Variants in SLC9A8 observed in about 807,000 individuals in gnomAD.
SLC9A8 encodes solute carrier family 9 member A8, also known as sodium/hydrogen exchanger 8.
Under a neutral mutation model 66.6 loss-of-function variants are expected in SLC9A8, and 48 were observed. That is an observed-to-expected ratio of 0.72 (90% CI 0.57 to 0.92). SLC9A8 has a LOEUF of 0.92. Among genes scored for constraint, SLC9A8 ranks in the 40% least tolerant of loss-of-function variants. The probability of loss-of-function intolerance (pLI) is 0.00; values close to 1 mark genes in which losing one functional copy is unlikely to be tolerated. For synonymous variants in SLC9A8, 274 were observed against 282.6 expected (o/e 0.97, Z 0.31); for missense variants, 599 against 747.3 (o/e 0.80, Z 2.31).
intron 3 of SLC9A8, chr20:49,830,874 G>A: frequency 1.4e-6 from 2 of 1,381,100 alleles, no homozygotes; most frequent in Admixed American, 1.7e-5. Context: ...CATCTTCCTA[G>A]ACCAGAAGTG....
At chr20:49,846,334 G>C (rs1469374180) in intron 5 of SLC9A8, among the ~76,000 whole-genome samples, 1 of 152,016 alleles carries the variant, frequency 6.6e-6, no homozygotes, top group East Asian at 1.9e-4. Flanking sequence ...TAAAAAAACT[G>C]TGAAGATTGG....
At position 49,880,936 on chromosome 20, in the gene SLC9A8, T is replaced by G. The variant is rs144443273; in HGVS notation, c.1171T>G (p.Phe391Val). 3.8e-5 allele frequency: 62 copies of G among 1,612,210 alleles called. No individual in the cohort carries two copies. The highest frequency in any genetic ancestry group is 4.6e-5 in the Non-Finnish European group (54 of 1,178,360). ...TTGCTATCAACAGGTGCTTGTACTA[T>G]TTGGCAGAGCGGTAAACATTTTCCC... The part of the protein sequence containing the change: ...FVIWCIVLVL[F>V]GRAVNIFPLS... Residue 391 changes from phenylalanine to valine, a missense_variant, in exon 13 of 16, where the codon TTT becomes GTT. By Grantham distance (50) the Phe-to-Val change is conservative. Around this residue, in one of 2 missense-constraint regions of SLC9A8, gnomAD observed 467 missense variants for 626.5 expected, o/e 0.75. Transcript: ENST00000361573.
At chr20:49,835,177 G>A (rs1477381462) in intron 3 of SLC9A8, among the ~76,000 whole-genome samples, 2 of 130,106 alleles carry the variant, frequency 1.5e-5, no homozygotes, top group Non-Finnish European at 3.2e-5. Flanking sequence ...TCTGCCCTAG[G>A]GAGATAGTCT....
chr20:49,883,322 G>C (rs775147435), intron 13 of SLC9A8, among the ~76,000 whole-genome samples: 1 of 152,136 alleles, frequency 6.6e-6, no homozygotes, highest in African/African-American at 2.4e-5. Context: ...AGATAGGAGG[G>C]GTACTGGACA....
At chr20:49,857,813 G>C (rs1024078296) in intron 8 of SLC9A8, among the ~76,000 whole-genome samples, 1 of 132,192 alleles carries the variant, frequency 7.6e-6, no homozygotes, top group Non-Finnish European at 1.7e-5. Context: ...CCTAGTTGTT[G>C]TTTTCACCAC....
intron 8 of SLC9A8, among the ~76,000 whole-genome samples, chr20:49,860,001 A>T (rs1329555721): frequency 6.6e-6 from 1 of 152,158 alleles, no homozygotes; most frequent in Non-Finnish European, 1.5e-5. Flanking sequence ...GACCTTACCC[A>T]GTGACTCACT....
rs1400517280 is a variant in SLC9A8 at position 49,823,048 on chromosome 20, T to A, written c.209-13T>A. The A allele has an allele frequency of 3.1e-6, 5 of 1,605,046 alleles. No individual in the cohort carries two copies. The South Asian group carries it at 3.3e-5, about 11-fold the overall frequency. On this transcript the variant is annotated splice_polypyrimidine_tract_variant and intron_variant, in intron 2 of 15. Coordinates refer to ENST00000361573, the MANE Select transcript of SLC9A8 (RefSeq NM_015266.3). ...GTTTTTTTTAAAACATTGTATTATT[T>A]TTTTTTCCACAGCTATCTGCATCAT...
rs535574640 is a variant in SLC9A8 at position 49,878,086 on chromosome 20, T to G, written c.1158+23T>G. On this transcript the variant is annotated intron_variant, in intron 12 of 15. Coordinates refer to ENST00000361573, the MANE Select transcript of SLC9A8 (RefSeq NM_015266.3). ...ATAGTAAGTATTTTCCTTTTTTTTT[T>G]TAAATTTAATTACTTATTTGTAGAT... 7.2e-6 allele frequency: 10 copies of G among 1,392,340 alleles called. No individual in the cohort carries two copies. The Admixed American group carries it at 2.3e-4, about 32-fold the overall frequency. The allele number at this position is 1,392,340 out of a possible 1,614,324, so 86.2% of individuals were successfully genotyped here.
At position 49,886,746 on chromosome 20, in the gene SLC9A8, G is replaced by T; in HGVS notation, c.1492-6G>T. 6.2e-7 allele frequency: 1 copy of T among 1,612,664 alleles called. No individual in the cohort carries two copies. Among genetic ancestry groups the T allele is most frequent in the East Asian group, 2.2e-5 (1 of 44,840 alleles). ...GGCCGTCGGGCCGCCTTTCCTCCCT[G>T]CTCAGGGCAACACTGTGGAGTCGGA... On this transcript the variant is annotated splice_polypyrimidine_tract_variant and splice_region_variant and intron_variant, in intron 14 of 15. Coordinates refer to ENST00000361573, the MANE Select transcript of SLC9A8 (RefSeq NM_015266.3). The surrounding 1 kb of genome is among the most constrained non-coding windows in gnomAD (Gnocchi z 4.8).
Position 49,859,645 on chromosome 20 carries a change from A to G in SLC9A8, c.714-3284A>G, listed in dbSNP as rs577103772. On this transcript the variant is annotated intron_variant, in intron 8 of 15. Coordinates refer to ENST00000361573, the MANE Select transcript of SLC9A8 (RefSeq NM_015266.3). ...ATCTTTGCAACTGAATATGTAAATG[A>G]GTTACCCCCTTTTTGATGTTGTTAC... is the stretch of plus-strand genomic sequence containing the variant. Among the ~76,000 whole-genome samples, 10 of 152,306 alleles carry G rather than the reference A, an allele frequency of 6.6e-5. No homozygotes were observed. In the South Asian group the frequency reaches 2.1e-3, roughly 32 times the overall value.
At chr20:49,844,945 G>A in intron 4 of SLC9A8, 91 bp from the exon 5 acceptor site, 1 of 868,508 alleles carries the variant, frequency 1.2e-6, no homozygotes, top group Admixed American at 1.8e-5. Context: ...GCCAGGCCCT[G>A]AGAGAATAAT....
rs1193162229 is a variant in SLC9A8, at chr20:49,889,218, C to T, written c.*1282C>T. On this transcript the variant is annotated 3_prime_UTR_variant, in exon 16 of 16. Coordinates refer to ENST00000361573, the MANE Select transcript of SLC9A8 (RefSeq NM_015266.3). ...TCATCAAAGAGCCATTGCCAACTTC[C>T]GTATGTGGTTCTGGGTCCCAGGGAG... 6.6e-6 allele frequency: 1 copy of T among 152,258 alleles called. No homozygotes were observed. The highest frequency in any genetic ancestry group is 1.5e-5 in the Non-Finnish European group (1 of 68,066). The allele number at this position is 152,258 out of a possible 1,614,324, so 9.4% of individuals were successfully genotyped here.
chr20:49,868,946 C>T (rs560239927), intron 10 of SLC9A8, among the ~76,000 whole-genome samples: 1 of 152,338 alleles, frequency 6.6e-6, no homozygotes, highest in South Asian at 2.1e-4. Context: ...CTAATTATAA[C>T]TCAGCAAGCG....
rs1248294332 is a variant in SLC9A8, at chr20:49,891,846, A to G, written c.*3910A>G. 2.0e-5 allele frequency: 3 copies of G among 152,280 alleles called. No individual in the cohort carries two copies. The East Asian group carries it at 5.8e-4, about 29-fold the overall frequency. The allele number at this position is 152,280 out of a possible 1,614,324, so 9.4% of individuals were successfully genotyped here. On this transcript the variant is annotated 3_prime_UTR_variant, in exon 16 of 16. Coordinates refer to ENST00000361573, the MANE Select transcript of SLC9A8 (RefSeq NM_015266.3). ...ACGGTTTCTCCAAGTAAGGATCTGCAAATCTTGAATCGTCCTCAAAATGAC... is the reference window on the plus strand; with the variant it reads ...ACGGTTTCTCCAAGTAAGGATCTGCGAATCTTGAATCGTCCTCAAAATGAC...
chr20:49,884,274 G>GAC (rs1202309628), intron 14 of SLC9A8: 14 of 120,576 alleles, frequency 1.2e-4, no homozygotes, highest in African/African-American at 4.6e-4. Context: ...ACACACACAC[G>GAC]ACACACACAC....
rs769858698 is a variant in SLC9A8, at chr20:49,887,933, C to G, written c.1743C>G (p.Leu581=). 12 of 1,612,760 alleles carry G rather than the reference C, an allele frequency of 7.4e-6. No homozygotes were observed. In the South Asian group the frequency reaches 8.8e-5, roughly 12 times the overall value. Residue 581 remains leucine (L), a synonymous_variant, in exon 16 of 16, where the codon CTC becomes CTG. Transcript: ENST00000361573. ...CCGAGGACGACGAGCAGGAGCTGCT[C>G]TGACGCCAGGTGCCAAGGCTTCAGG... ...SGSEDDEQEL[L]
At chr20:49,865,586 T>C (rs530613853) in intron 10 of SLC9A8, among the ~76,000 whole-genome samples, 1 of 152,172 alleles carries the variant, frequency 6.6e-6, no homozygotes, top group Admixed American at 6.5e-5. Context: ...ACGACTCTGA[T>C]GCGGCCCTAG....
chr20:49,887,044 G>C, intron 15 of SLC9A8, 146 bp downstream of exon 15: 2 of 811,220 alleles, frequency 2.5e-6, no homozygotes, highest in Non-Finnish European at 3.8e-6. Flanking sequence ...CGATCTGGAG[G>C]CTGGACGTGC....
At position 49,812,936 on chromosome 20, in the gene SLC9A8, T is replaced by C. The variant is rs1174152824; in HGVS notation, c.14T>C (p.Met5Thr). The change falls in exon 1 of 16, where the codon ATG becomes ACG. Residue 5 changes from methionine (M) to threonine (T), a missense_variant. Physicochemically the swap from Met to Thr is moderately conservative, Grantham distance 81. Around this residue, in one of 2 missense-constraint regions of SLC9A8, gnomAD observed 132 missense variants for 120.9 expected, o/e 1.09. Transcript: ENST00000361573. MGEK[M>T]AEEERFPNTT... The stretch of plus-strand genomic sequence containing the variant: ...AAGCTCCGCAGGATGGGGGAGAAGA[T>C]GGCGGAAGAGGAGTGAGTGGGCTTT... The C allele has an allele frequency of 6.1e-6, 9 of 1,474,562 alleles. No homozygotes were observed. The Admixed American group carries it at 2.0e-4, about 32-fold the overall frequency. The allele number at this position is 1,474,562 out of a possible 1,614,324, so 91.3% of individuals were successfully genotyped here.
Sources: gnomAD v4.1 joint callset for allele counts (sites outside exome capture counted in the v4.1 genomes callset) on GRCh38, gnomAD v4.1.1 for gene constraint, gnomAD v4.1.1 regional missense constraint, Gnocchi (gnomAD v3.1) non-coding constraint, MANE v1.5 for transcripts, NCBI Gene and HGNC (gene_info 2026-07-23, HGNC 2026-07-21) for gene names.